The following ABRAXAS2 variants were observed in gnomAD, a reference collection of about 807,000 sequenced individuals.
ABRAXAS2 encodes the protein BRISC complex subunit Abraxas 2.
Under a neutral mutation model 49.0 loss-of-function variants are expected in ABRAXAS2, and 23 were observed. The observed-to-expected ratio is 0.47, with a 90% CI of 0.34 to 0.66. The LOEUF is 0.66. ABRAXAS2 is among the 30% of genes least tolerant of loss of function. The probability of loss-of-function intolerance (pLI) is 0.01; values close to 1 mark genes in which losing one functional copy is unlikely to be tolerated. For missense variants in ABRAXAS2, 443 were observed against 511.9 expected (o/e 0.87, Z 1.30); for synonymous variants, 168 against 180.2 (o/e 0.93, Z 0.54).
chr10:124,811,272 C>T (rs1389090856), intron 2 of ABRAXAS2, among the ~76,000 whole-genome samples: 1 of 151,948 alleles, frequency 6.6e-6, no homozygotes, highest in Admixed American at 6.6e-5. Flanking sequence ...AACATCTGTG[C>T]AGTTATTTAT....
chr10:124,812,272 C>T (rs541235736), intron 2 of ABRAXAS2, among the ~76,000 whole-genome samples: 1 of 152,282 alleles, frequency 6.6e-6, no homozygotes, highest in Admixed American at 6.5e-5. Context: ...ATGTTCAGTT[C>T]ATTGAAACGA....
At chr10:124,821,785 G>A (rs1258519860) in intron 4 of ABRAXAS2, among the ~76,000 whole-genome samples, 1 of 152,114 alleles carries the variant, frequency 6.6e-6, no homozygotes, top group African/African-American at 2.4e-5. Flanking sequence ...GATTTGGGAG[G>A]ACAGTTTTGC....
chr10:124,818,140 T>C (rs1177595038), intron 3 of ABRAXAS2, among the ~76,000 whole-genome samples: 1 of 152,176 alleles, frequency 6.6e-6, no homozygotes, highest in Admixed American at 6.5e-5. Context: ...CTCACGCCTG[T>C]AATCCCAGCA....
At chr10:124,802,041 C>G in intron 1 of ABRAXAS2, 140 bp downstream of exon 1, 3 of 765,096 alleles carry the variant, frequency 3.9e-6, no homozygotes, top group Non-Finnish European at 6.1e-6. Context: ...ACCCGGGCGG[C>G]TCCCGCCCCC....
At chr10:124,824,186 G>C (rs1467815130) in intron 4 of ABRAXAS2, among the ~76,000 whole-genome samples, 1 of 152,138 alleles carries the variant, frequency 6.6e-6, no homozygotes, top group Non-Finnish European at 1.5e-5. Context: ...ACAGTAGTGA[G>C]TCACCACACC....
intron 2 of ABRAXAS2, among the ~76,000 whole-genome samples, chr10:124,807,967 G>T (rs1220634820): frequency 6.6e-6 from 1 of 152,154 alleles, no homozygotes; most frequent in Non-Finnish European, 1.5e-5. Context: ...ACAGCCTTCT[G>T]AGGGATAAGC....
At chr10:124,819,733 C>T (rs985355582) in intron 4 of ABRAXAS2, among the ~76,000 whole-genome samples, 1 of 150,896 alleles carries the variant, frequency 6.6e-6, no homozygotes, top group African/African-American at 2.4e-5. Context: ...AAGATTGCAC[C>T]ACTGCACTCC....
At chr10:124,828,966 A>C in intron 6 of ABRAXAS2, 91 bp downstream of exon 6, 1 of 1,321,704 alleles carries the variant, frequency 7.6e-7, no homozygotes, top group Non-Finnish European at 1.1e-6. Context: ...AAAATGTAAA[A>C]CCAAGTTTGA....
chr10:124,807,312 CAAAAAAAAAA>C (rs764661303), intron 2 of ABRAXAS2, among the ~76,000 whole-genome samples: 2 of 34,042 alleles, frequency 5.9e-5, no homozygotes, highest in African/African-American at 1.2e-4. Context: ...GACTCTGTCT[CAAAAAAAAAA>C]AAAAAAAAAA....
intron 2 of ABRAXAS2, among the ~76,000 whole-genome samples, chr10:124,807,605 A>T (rs1448593871): frequency 6.6e-6 from 1 of 152,222 alleles, no homozygotes; most frequent in Non-Finnish European, 1.5e-5. Context: ...GTGAGCCAAG[A>T]TCTTGTCTCA....
chr10:124,831,631 G>C (rs1274113463), intron 8 of ABRAXAS2, among the ~76,000 whole-genome samples, 168 bp downstream of exon 8: 7 of 152,146 alleles, frequency 4.6e-5, no homozygotes, highest in Non-Finnish European at 8.8e-5. Flanking sequence ...GGCAAGTGCT[G>C]TTTTTCATAG....
At chr10:124,829,954 T>C (rs1235858250) in intron 7 of ABRAXAS2, among the ~76,000 whole-genome samples, 3 of 152,206 alleles carry the variant, frequency 2.0e-5, no homozygotes, top group Admixed American at 1.3e-4. Context: ...AATGGAAACA[T>C]CTCCTGTGAG....
At chr10:124,831,574 A>T in intron 8 of ABRAXAS2, 111 bp downstream of exon 8, 1 of 595,340 alleles carries the variant, frequency 1.7e-6, no homozygotes, top group African/African-American at 1.9e-5. Flanking sequence ...CCAGTCTCAG[A>T]TTAGCCTGGC....
chr10:124,825,308 ACT>A (rs1197634908), intron 4 of ABRAXAS2, among the ~76,000 whole-genome samples: 5 of 117,166 alleles, frequency 4.3e-5, no homozygotes, highest in Non-Finnish European at 7.0e-5. Flanking sequence ...ACAAAGCAAG[ACT>A]CTGTCTCAAA....
intron 4 of ABRAXAS2, among the ~76,000 whole-genome samples, chr10:124,821,305 G>A (rs866644236): frequency 6.6e-6 from 1 of 150,682 alleles, no homozygotes; most frequent in Non-Finnish European, 1.5e-5. Context: ...GGTGGCTCAT[G>A]CCTGTAATCC....
chr10:124,827,900 T>A (rs1950906977), intron 5 of ABRAXAS2, among the ~76,000 whole-genome samples: 1 of 152,244 alleles, frequency 6.6e-6, no homozygotes, highest in African/African-American at 2.4e-5. Context: ...AAGGTTTTTA[T>A]AAGATTTCAT....
intron 2 of ABRAXAS2, among the ~76,000 whole-genome samples, chr10:124,814,513 G>A (rs770278130): frequency 3.3e-5 from 5 of 150,690 alleles, no homozygotes; most frequent in East Asian, 2.0e-4. Context: ...CATCATGCCC[G>A]ACTCATTTTT....
At chr10:124,821,638 G>A (rs1267154290) in intron 4 of ABRAXAS2, among the ~76,000 whole-genome samples, 1 of 151,988 alleles carries the variant, frequency 6.6e-6, no homozygotes, top group East Asian at 1.9e-4. Flanking sequence ...ACCTCAATCA[G>A]GAAACACAAA....
intron 4 of ABRAXAS2, among the ~76,000 whole-genome samples, chr10:124,820,532 G>A (rs746759974): frequency 4.0e-5 from 6 of 151,448 alleles, no homozygotes; most frequent in East Asian, 1.9e-4. Flanking sequence ...CCTAGGCTGC[G>A]GTGCAGTGGC....
Sources: allele counts gnomAD v4.1 joint callset (sites outside exome capture counted in the v4.1 genomes callset), GRCh38; gene constraint gnomAD v4.1.1; transcripts MANE v1.5; gene names NCBI Gene and HGNC (gene_info 2026-07-23, HGNC 2026-07-21).